The following QRICH2 variants were observed in gnomAD, a reference collection of about 807,000 sequenced individuals.
The protein encoded by QRICH2 is glutamine-rich protein 2.
A neutral mutation model predicts 168.3 loss-of-function variants in QRICH2; 119 were observed. The ratio of observed to expected loss-of-function variants is 0.71; its 90% CI spans 0.61 to 0.82. The LOEUF is 0.82. QRICH2 is among the 40% of genes least tolerant of loss of function. The probability of loss-of-function intolerance (pLI) is 0.00; values close to 1 mark genes in which losing one functional copy is unlikely to be tolerated. For synonymous variants in QRICH2, 894 were observed against 951.2 expected (o/e 0.94, Z 1.11); for missense variants, 2,241 against 2,491.6 (o/e 0.90, Z 2.14).
chr17:76,292,658 A>G lies in QRICH2; in HGVS notation c.2069T>C (p.Leu690Ser). The G allele has an allele frequency of 6.2e-7, 1 of 1,614,166 alleles. No individual in the cohort carries two copies. Among genetic ancestry groups the G allele is most frequent in the Non-Finnish European group, 8.5e-7 (1 of 1,180,030 alleles). Residue 690 changes from leucine (L) to serine (S), a missense_variant, in exon 4 of 19, where the codon TTG becomes TCG. This residue lies in a region of QRICH2 where 2,047 missense variants were observed against 2,303.8 expected (regional missense o/e 0.89). Transcript: ENST00000680821. ...AATCTGATCTGCACCAGGTTGGACCAAGCCAGGCTGATATGCACCAGGCTG... is the reference window on the plus strand; with the variant it reads ...AATCTGATCTGCACCAGGTTGGACCGAGCCAGGCTGATATGCACCAGGCTG... ...LVQPGAYQPG[L>S]VQPGADQIDV...
intron 3 of QRICH2, among the ~76,000 whole-genome samples, chr17:76,295,073 C>CAAACAAAT (rs1555675460): frequency 1.3e-4 from 18 of 143,312 alleles, no homozygotes; most frequent in African/African-American, 4.1e-4. Flanking sequence ...CTACTAAAAA[C>CAAACAAAT]AAATAAATAA....
chr17:76,289,618 TG>T (rs2070951299), intron 5 of QRICH2, among the ~76,000 whole-genome samples: 1 of 151,910 alleles, frequency 6.6e-6, no homozygotes, highest in Non-Finnish European at 1.5e-5. Flanking sequence ...AAAATACAAA[TG>T]GAAAGTGCTA....
chr17:76,293,339 TG>T lies in QRICH2; in HGVS notation c.1387del (p.His463MetfsTer13), dbSNP rs763035956. On this transcript the variant is annotated frameshift_variant, in exon 4 of 19. Coordinates refer to ENST00000680821, the MANE Select transcript of QRICH2 (RefSeq NM_001388453.1). LOFTEE classifies it high-confidence loss of function. The stretch of plus-strand genomic sequence containing the variant: ...ATATGCACTGACTGAAACCAGACCA[TG>T]TTGGTCTGTGCTAGGTAGTTCCAAT... ...QGLELPSTDQ[H>X]GLVSVSAYQH... 1 of 1,614,156 alleles carries T rather than the reference TG, an allele frequency of 6.2e-7. No homozygotes were observed. Among genetic ancestry groups the T allele is most frequent in the Admixed American group, 1.7e-5 (1 of 60,018 alleles).
In QRICH2 at chr17:76,287,249, C is replaced by T; in HGVS notation, c.3954G>A (p.Arg1318=). ...ELAELRESQD[R]GKAAMENSVS... ...CAGAATTTTCCATGGCAGCCTTGCC[C>T]CTGTCTTGGCTCTCCCTCAACTCGG... The change falls in exon 7 of 19, where the codon AGG becomes AGA. Residue 1318 remains arginine (R), a synonymous_variant. Coordinates refer to ENST00000680821, the MANE Select transcript of QRICH2 (RefSeq NM_001388453.1). The T allele has an allele frequency of 1.2e-6, 2 of 1,614,062 alleles. No homozygotes were observed. Among genetic ancestry groups the T allele is most frequent in the Non-Finnish European group, 8.5e-7 (1 of 1,179,980 alleles).
chr17:76,284,165 C>A (rs2143206215), intron 7 of QRICH2, among the ~76,000 whole-genome samples: 1 of 66,428 alleles, frequency 1.5e-5, no homozygotes, highest in Non-Finnish European at 2.3e-5. Flanking sequence ...AAAACTCTGT[C>A]TCCAAAAAAA....
rs1323080952 is a variant in QRICH2 at position 76,285,879 on chromosome 17, A to C, written c.4011+1313T>G. On this transcript the variant is annotated intron_variant, in intron 7 of 18. Coordinates refer to ENST00000680821, the MANE Select transcript of QRICH2 (RefSeq NM_001388453.1). ...AACAAAACAAAATAACAACAAAAAA[A>C]CAACTTATTATGGCCAGGTGCGGTG... Among the ~76,000 whole-genome samples the C allele has an allele frequency of 4.0e-5, 6 of 151,840 alleles. No individual in the cohort carries two copies. In the East Asian group the frequency reaches 1.2e-3, roughly 30 times the overall value.
intron 7 of QRICH2, among the ~76,000 whole-genome samples, chr17:76,284,164 T>C (rs2070838686): frequency 4.7e-5 from 3 of 63,652 alleles, no homozygotes; most frequent in Admixed American, 2.4e-4. Context: ...CAAAACTCTG[T>C]CTCCAAAAAA....
At chr17:76,290,115 A>G (rs1329792751) in intron 4 of QRICH2, 38 bp from the exon 5 acceptor site, 1 of 1,478,958 alleles carries the variant, frequency 6.8e-7, no homozygotes, top group African/African-American at 1.4e-5. Flanking sequence ...GAGGGGTTAG[A>G]TCTCTAGTGG....
Position 76,303,741 on chromosome 17 carries a change from T to C in QRICH2, c.705+674A>G, listed in dbSNP as rs532129989. Among the ~76,000 whole-genome samples, 10 of 151,510 alleles carry C rather than the reference T, an allele frequency of 6.6e-5. No individual in the cohort carries two copies. The East Asian group carries it at 1.2e-3, about 18-fold the overall frequency. ...AAAAGAAATTAGCCAGGCGTGGTGGTGGGCGCCTGTAGTCCCAGCTACTCT... is the reference window on the plus strand; with the variant it reads ...AAAAGAAATTAGCCAGGCGTGGTGGCGGGCGCCTGTAGTCCCAGCTACTCT... On this transcript the variant is annotated intron_variant, in intron 3 of 18. Coordinates refer to ENST00000680821, the MANE Select transcript of QRICH2 (RefSeq NM_001388453.1).
chr17:76,276,672 CCACT>C lies in QRICH2; in HGVS notation c.5353+4_5353+7del, dbSNP rs553073789. 8.6e-4 allele frequency: 1,394 copies of C among 1,612,588 alleles called. 2 individuals are homozygous for C. The highest frequency in any genetic ancestry group is 2.9e-3 in the Admixed American group (176 of 59,986). ...TGAGGTGCCTGGGGGCCTCTGGACT[CCACT>C]CACTGTCTTTTCGGAGGATGCCTGG... On this transcript the variant is annotated splice_donor_5th_base_variant and intron_variant, in intron 17 of 18. Transcript: ENST00000680821.
chr17:76,305,070 CACTG>C (rs2070970755), intron 1 of QRICH2, 129 bp from the exon 2 acceptor site: 1 of 727,814 alleles, frequency 1.4e-6, no homozygotes, highest in Non-Finnish European at 2.5e-6. Context: ...CACATTCACA[CACTG>C]ACTCAGTGCC....
At chr17:76,298,181 AT>A (rs1244588706) in intron 3 of QRICH2, among the ~76,000 whole-genome samples, 156 of 84,242 alleles carry the variant, frequency 1.9e-3, no homozygotes, top group Non-Finnish European at 1.9e-3. Context: ...TTTCTGGCTA[AT>A]TTTTTTTTTT....
At chr17:76,303,482 G>A (rs1377004294) in intron 3 of QRICH2, among the ~76,000 whole-genome samples, 1 of 152,134 alleles carries the variant, frequency 6.6e-6, no homozygotes, top group Non-Finnish European at 1.5e-5. Context: ...TATCCAGCTT[G>A]ATTTTAATCA....
At chr17:76,275,024 C>T (rs989760472) in intron 18 of QRICH2, among the ~76,000 whole-genome samples, 11 of 152,256 alleles carry the variant, frequency 7.2e-5, no homozygotes, top group Admixed American at 3.9e-4. Flanking sequence ...CCCTCAGCGC[C>T]GGGTCCTCAC....
At chr17:76,287,566 A>C (rs1357843863) in intron 6 of QRICH2, among the ~76,000 whole-genome samples, 1 of 152,126 alleles carries the variant, frequency 6.6e-6, no homozygotes, top group Non-Finnish European at 1.5e-5. Flanking sequence ...CTGGGGACAC[A>C]GTCTAAGAAG....
At chr17:76,310,510 G>C (rs2071059969), upstream of QRICH2, 2 of 151,418 alleles carry the variant, frequency 1.3e-5, no homozygotes, top group Admixed American at 6.6e-5. Context: ...CTGTCACCCA[G>C]GATGGATGGC....
At position 76,281,750 on chromosome 17, in the gene QRICH2, G is replaced by A; in HGVS notation, c.4263+114C>T. 1 of 1,341,226 alleles carries A rather than the reference G, an allele frequency of 7.5e-7. No homozygotes were observed. The allele number at this position is 1,341,226 out of a possible 1,614,324, so 83.1% of individuals were successfully genotyped here. On this transcript the variant is annotated intron_variant, in intron 8 of 18. Coordinates refer to ENST00000680821, the MANE Select transcript of QRICH2 (RefSeq NM_001388453.1). The surrounding 1 kb of genome is among the most constrained non-coding windows in gnomAD (Gnocchi z 4.4). ...TCTGGCTAAAGGGCTCCGCCACGGA[G>A]AGCTGACCTTGAGGCCCAAACACCC...
Position 76,304,889 on chromosome 17 carries a change from T to G in QRICH2, c.587A>C (p.Gln196Pro). 6.2e-7 allele frequency: 1 copy of G among 1,612,502 alleles called. No individual in the cohort carries two copies. Among genetic ancestry groups the G allele is most frequent in the Non-Finnish European group, 8.5e-7 (1 of 1,178,570 alleles). Residue 196 changes from glutamine to proline, a missense_variant, in exon 2 of 19, where the codon CAA becomes CCA. Transcript: ENST00000680821. ...ELEKLFKDRE[Q>P]FLELVSRKLS... ...GGAACTGGCTGGTATTACCAGGAATTGCTCCCGATCTTTGAATAGCTTCTC... is the reference window on the plus strand; with the variant it reads ...GGAACTGGCTGGTATTACCAGGAATGGCTCCCGATCTTTGAATAGCTTCTC...
intron 7 of QRICH2, among the ~76,000 whole-genome samples, chr17:76,285,427 T>C (rs2070865065): frequency 6.6e-6 from 1 of 150,498 alleles, no homozygotes. Context: ...CCACCACACC[T>C]GGCCTATTTT....
Sources: allele counts gnomAD v4.1 joint callset (sites outside exome capture counted in the v4.1 genomes callset), GRCh38; gene constraint gnomAD v4.1.1; regional missense constraint gnomAD v4.1.1; non-coding constraint Gnocchi (gnomAD v3.1); transcripts MANE v1.5; gene names NCBI Gene and HGNC (gene_info 2026-07-23, HGNC 2026-07-21).